The following ROBO1 variants were observed in gnomAD, a reference collection of about 807,000 sequenced individuals.
The protein encoded by ROBO1 is roundabout homolog 1.
A neutral mutation model predicts 195.9 loss-of-function variants in ROBO1; 149 were observed. That is an observed-to-expected ratio of 0.76 (90% CI 0.67 to 0.87). The LOEUF (loss-of-function observed/expected upper bound fraction) is 0.87. ROBO1 is among the 40% of genes least tolerant of loss of function. The pLI is 0.00. For synonymous variants in ROBO1, 816 were observed against 733.2 expected (o/e 1.11, Z -1.82); for missense variants, 1,933 against 2,068.3 (o/e 0.93, Z 1.27).
At chr3:78,721,807 TAG>T (rs2082051330) in intron 5 of ROBO1, among the ~76,000 whole-genome samples, 1 of 152,176 alleles carries the variant, frequency 6.6e-6, no homozygotes, top group Non-Finnish European at 1.5e-5. Flanking sequence ...CTTGGGAATG[TAG>T]AGTTTTAAAT....
intron 4 of ROBO1, among the ~76,000 whole-genome samples, chr3:78,868,126 C>T (rs2035295679): frequency 1.3e-5 from 2 of 152,088 alleles, no homozygotes; most frequent in South Asian, 2.1e-4. Flanking sequence ...TACCCAATTA[C>T]TACTGACGTA....
chr3:79,353,852 C>T (rs979488613), intron 2 of ROBO1, among the ~76,000 whole-genome samples: 3 of 152,006 alleles, frequency 2.0e-5, no homozygotes, highest in Non-Finnish European at 4.4e-5. Flanking sequence ...CAAGACCAGC[C>T]TGGCCAACAT....
In ROBO1 at chr3:79,141,972, G is replaced by GTT. The variant is rs200877862; in HGVS notation, c.89-16434_89-16433insAA. Among the ~76,000 whole-genome samples the GTT allele has an allele frequency of 3.1e-4, 47 of 150,348 alleles. No homozygotes were observed. The East Asian group carries it at 6.3e-3, about 20-fold the overall frequency. On this transcript the variant is annotated intron_variant, in intron 2 of 30. Transcript: ENST00000464233. ...TGTGGATTCTCAGACTGACATTTGTGGTTTTTTTTGTGGGGATATCTGCCA... is the reference window on the plus strand; with the variant it reads ...TGTGGATTCTCAGACTGACATTTGTGTTGTTTTTTTTGTGGGGATATCTGCCA...
chr3:78,675,279 C>G (rs373569239), intron 10 of ROBO1, among the ~76,000 whole-genome samples: 3 of 151,988 alleles, frequency 2.0e-5, no homozygotes, highest in Non-Finnish European at 4.4e-5. Context: ...TCTGAGGTAC[C>G]GGGTTCATCT....
At chr3:79,575,063 T>G (rs2107762360) in intron 2 of ROBO1, among the ~76,000 whole-genome samples, 1 of 146,668 alleles carries the variant, frequency 6.8e-6, no homozygotes, top group South Asian at 2.1e-4. Flanking sequence ...GCATACATTT[T>G]CTGTCTTTGT....
At chr3:78,620,112 A>C (rs78399222) in intron 26 of ROBO1, among the ~76,000 whole-genome samples, 4,941 of 152,196 alleles carry the variant, frequency 0.032, 235 homozygotes, top group African/African-American at 0.1. Context: ...GGACCTGGTC[A>C]AGATCTAAAT....
At chr3:79,618,530 C>T (rs1389863774) in intron 1 of ROBO1, among the ~76,000 whole-genome samples, 1 of 152,176 alleles carries the variant, frequency 6.6e-6, no homozygotes, top group Non-Finnish European at 1.5e-5. Flanking sequence ...TTGTGACTGC[C>T]ACCCCTGCCC....
At chr3:79,557,760 A>ATTTTTTT (rs1167224169) in intron 2 of ROBO1, among the ~76,000 whole-genome samples, 7 of 145,278 alleles carry the variant, frequency 4.8e-5, no homozygotes, top group African/African-American at 1.8e-4. Context: ...ATATATATAT[A>ATTTTTTT]TATATTTTAT....
At chr3:79,279,564 A>G (rs2031347790) in intron 2 of ROBO1, among the ~76,000 whole-genome samples, 1 of 152,150 alleles carries the variant, frequency 6.6e-6, no homozygotes, top group African/African-American at 2.4e-5. Flanking sequence ...TCAAAAACCT[A>G]CAAATACAAG....
chr3:78,925,925 C>T (rs1410109779), intron 4 of ROBO1, among the ~76,000 whole-genome samples: 2 of 151,698 alleles, frequency 1.3e-5, no homozygotes, highest in Admixed American at 6.6e-5. Flanking sequence ...GGCTGGAGTA[C>T]AATGGCGCCA....
intron 2 of ROBO1, among the ~76,000 whole-genome samples, chr3:79,339,045 A>G (rs2034799054): frequency 6.6e-6 from 1 of 152,146 alleles, no homozygotes; most frequent in Non-Finnish European, 1.5e-5. Context: ...CTTAAATTCA[A>G]CGGCAAATGT....
At chr3:78,850,847 C>T (rs1300968794) in intron 4 of ROBO1, among the ~76,000 whole-genome samples, 2 of 151,594 alleles carry the variant, frequency 1.3e-5, no homozygotes, top group Non-Finnish European at 2.9e-5. Context: ...ACTCTTGTTG[C>T]CCAGGCTGGA....
chr3:79,005,479 C>T (rs538620138), intron 3 of ROBO1, among the ~76,000 whole-genome samples: 10 of 152,170 alleles, frequency 6.6e-5, no homozygotes, highest in South Asian at 6.2e-4. Context: ...AAAATTTCTA[C>T]GTTTAGAAAT....
chr3:78,802,741 CATCATCATCAAT>C (rs1440994449), intron 4 of ROBO1, among the ~76,000 whole-genome samples: 5 of 151,868 alleles, frequency 3.3e-5, no homozygotes, highest in Admixed American at 6.6e-5. Context: ...TCATCATCAT[CATCATCATCAAT>C]AACATTATCA....
At chr3:78,937,439 A>C (rs1258099678) in intron 4 of ROBO1, among the ~76,000 whole-genome samples, 1 of 152,000 alleles carries the variant, frequency 6.6e-6, no homozygotes, top group Non-Finnish European at 1.5e-5. Flanking sequence ...ATATAGTTTT[A>C]TAGAGAATTA....
At chr3:79,711,661 T>TAC (rs1204141988) in intron 1 of ROBO1, among the ~76,000 whole-genome samples, 2 of 151,424 alleles carry the variant, frequency 1.3e-5, no homozygotes, top group South Asian at 2.1e-4. Flanking sequence ...CATACACACA[T>TAC]ACACACACAC....
At chr3:79,750,898 T>C (rs1047750455) in intron 1 of ROBO1, among the ~76,000 whole-genome samples, 2 of 152,198 alleles carry the variant, frequency 1.3e-5, no homozygotes, top group Non-Finnish European at 2.9e-5. Context: ...TTGCAGGTAT[T>C]ATGAAGCTAG....
chr3:78,781,952 A>G (rs888432818), intron 4 of ROBO1, among the ~76,000 whole-genome samples: 15 of 152,156 alleles, frequency 9.9e-5, no homozygotes, highest in Non-Finnish European at 2.1e-4. Context: ...ACATCCAAAA[A>G]GTCTAAAATT....
chr3:79,115,353 T>C (rs1317136150), intron 3 of ROBO1, among the ~76,000 whole-genome samples: 4 of 152,126 alleles, frequency 2.6e-5, no homozygotes, highest in Admixed American at 6.5e-5. Context: ...GGGTAAGAGA[T>C]ACGAGATGGA....
Sources: allele counts gnomAD v4.1 joint callset (sites outside exome capture counted in the v4.1 genomes callset), GRCh38; gene constraint gnomAD v4.1.1; transcripts MANE v1.5; gene names NCBI Gene and HGNC (gene_info 2026-07-23, HGNC 2026-07-21).